LTBP3: variants seen among roughly 807,000 people sequenced by gnomAD.
LTBP3 encodes latent-transforming growth factor beta-binding protein 3.
In LTBP3, 97 loss-of-function variants were observed where a neutral mutation model predicts 159.7. The observed-to-expected ratio is 0.61, with a 90% CI of 0.52 to 0.72. The LOEUF (loss-of-function observed/expected upper bound fraction) is 0.72, where lower values mean the gene tolerates loss of function less well. LTBP3 is among the 30% of genes least tolerant of loss of function. LTBP3 has a pLI of 0.00. For synonymous variants in LTBP3, 824 were observed against 777.1 expected (o/e 1.06, Z -1.00); for missense variants, 1,584 against 1,864.3 (o/e 0.85, Z 2.77).
intron 19 of LTBP3, 128 bp from the exon 20 acceptor site, chr11:65,541,421 C>T (rs1413067311): frequency 2.8e-6 from 4 of 1,407,336 alleles, no homozygotes; most frequent in Non-Finnish European, 3.9e-6. Context: ...AGAGTTGGCT[C>T]TGTTCTCAAC....
rs1565104181 is a variant in LTBP3 at position 65,557,799 on chromosome 11, CCCCCGCCTGCG to C, written c.150_160del (p.Ala51ArgfsTer139). On this transcript the variant is annotated frameshift_variant, in exon 1 of 28. Transcript: ENST00000301873. LOFTEE classifies it high-confidence loss of function. The stretch of plus-strand genomic sequence containing the variant: ...GAAGCGCTCGCGGGCCAGCGCCCCG[CCCCCGCCTGCG>C]CCCCGCTCGCCGGCCGGCCCCCCCT... 3 of 1,561,618 alleles carry C rather than the reference CCCCCGCCTGCG, an allele frequency of 1.9e-6. No individual in the cohort carries two copies. The highest frequency in any genetic ancestry group is 2.6e-6 in the Non-Finnish European group (3 of 1,161,128).
chr11:65,545,215 C>A (rs1394502897), intron 16 of LTBP3: 3 of 188,468 alleles, frequency 1.6e-5, no homozygotes, highest in African/African-American at 2.3e-5. Flanking sequence ...GCCATCCCTC[C>A]CCCACCATCT....
rs201043285 is a variant in LTBP3, at chr11:65,553,432, C to T, written c.963G>A (p.Gln321=). 8.7e-6 allele frequency: 14 copies of T among 1,612,144 alleles called. No homozygotes were observed. The African/African-American group carries it at 1.3e-4, about 15-fold the overall frequency. Residue 321 remains glutamine, a synonymous_variant, in exon 4 of 28, where the codon CAG becomes CAA. Transcript: ENST00000301873. This position sits in a 1 kb window ranked among gnomAD's most constrained non-coding sequence, Gnocchi z 6.5. ...CTGAGCCCAAGCACTCACACTGCAG[C>T]TGGGGACACTTGTGGCACTTGCTCT... The part of the protein sequence containing the change: ...WGQSKCHKCP[Q]LQYTGVQKPG...
Position 65,543,563 on chromosome 11 carries a change from G to C in LTBP3, c.2354-14C>G, listed in dbSNP as rs1266591145. On this transcript the variant is annotated splice_polypyrimidine_tract_variant and intron_variant, in intron 16 of 27. Coordinates refer to ENST00000301873, the MANE Select transcript of LTBP3 (RefSeq NM_001130144.3). ...ACTCGTCCACATCTGCAGGGCATAG[G>C]GGGTGTCAGAGGACCAGGCTGGGTG... The C allele has an allele frequency of 6.2e-7, 1 of 1,613,926 alleles. No individual in the cohort carries two copies.
At position 65,547,546 on chromosome 11, in the gene LTBP3, G is replaced by T. The variant is rs895986825; in HGVS notation, c.2000C>A (p.Pro667His). ...SCVDLNECAK[P>H]HLCGDGGFCI... ...GAAGCCGCCGTCGCCGCACAGGTGG[G>T]GCTTGGCGCATTCGTTCAGGTCTGT... is the stretch of plus-strand genomic sequence containing the variant. The change falls in exon 14 of 28, where the codon CCC becomes CAC. Residue 667 changes from proline (P) to histidine (H), a missense_variant. Transcript: ENST00000301873. This position sits in a 1 kb window ranked among gnomAD's most constrained non-coding sequence, Gnocchi z 4.6. The T allele has an allele frequency of 1.9e-6, 3 of 1,613,894 alleles. No individual in the cohort carries two copies. The African/African-American group carries it at 4.0e-5, about 22-fold the overall frequency.
At chr11:65,541,385 C>T in intron 19 of LTBP3, 92 bp from the exon 20 acceptor site, 2 of 1,500,892 alleles carry the variant, frequency 1.3e-6, no homozygotes, top group Non-Finnish European at 1.8e-6. Context: ...CCCCCACATT[C>T]CCTGGCTCCC....
At chr11:65,551,355 C>T (rs1256100736) in intron 10 of LTBP3, 47 bp downstream of exon 10, 2 of 1,602,394 alleles carry the variant, frequency 1.2e-6, no homozygotes, top group South Asian at 2.2e-5. Context: ...CCCCGCCCAC[C>T]CAGTGATTTA....
intron 11 of LTBP3, among the ~76,000 whole-genome samples, chr11:65,549,567 C>CTTTTTTTTTTTTTTTTTTTTTTTTTT (rs748132211): frequency 1.5e-5 from 1 of 64,744 alleles, no homozygotes. Context: ...CCCAGCTAAT[C>CTTTTTTTTTTTTTTTTTTTTTTTTTT]TTTTTTTTTT....
chr11:65,553,416 A>G lies in LTBP3; in HGVS notation c.970+9T>C. 6.2e-7 allele frequency: 1 copy of G among 1,609,468 alleles called. No homozygotes were observed. The highest frequency in any genetic ancestry group is 1.1e-5 in the South Asian group (1 of 90,884). On this transcript the variant is annotated intron_variant, in intron 4 of 27. Transcript: ENST00000301873. This position sits in a 1 kb window ranked among gnomAD's most constrained non-coding sequence, Gnocchi z 6.5. ...AGATAGGGAACGCCCCCTGAGCCCA[A>G]GCACTCACACTGCAGCTGGGGACAC...
At position 65,557,032 on chromosome 11, in the gene LTBP3, T is replaced by C. The variant is rs530136301; in HGVS notation, c.331+597A>G. 1.8e-4 allele frequency among the ~76,000 whole-genome samples: 28 copies of C among 151,998 alleles called. 1 individual carries two copies. The East Asian group carries it at 3.9e-3, about 21-fold the overall frequency. On this transcript the variant is annotated intron_variant, in intron 1 of 27. Transcript: ENST00000301873. ...GATGTTAGGAGCTTATGGGGAGGCATTGGAAAAGGAGAGGCTGAGAACCCC... is the reference window on the plus strand; with the variant it reads ...GATGTTAGGAGCTTATGGGGAGGCACTGGAAAAGGAGAGGCTGAGAACCCC...
rs1280199281 is a variant in LTBP3, at chr11:65,542,960, GGATGGATGGATGGATA to G, written c.2596+129_2596+144del. The stretch of plus-strand genomic sequence containing the variant: ...TGGATGGATGGATGGATGGATGGAT[GGATGGATGGATGGATA>G]GATGGATGGATGGATGGATGAAGGA... On this transcript the variant is annotated intron_variant, in intron 18 of 27. Coordinates refer to ENST00000301873, the MANE Select transcript of LTBP3 (RefSeq NM_001130144.3). 0.01 allele frequency: 10,758 copies of G among 1,048,180 alleles called. 813 individuals are homozygous for G. In the African/African-American group the frequency reaches 0.15, roughly 15 times the overall value. 64.9% of individuals were successfully genotyped at this position (1,048,180 alleles called of 1,614,324 possible).
rs1041359845 is a variant in LTBP3 at position 65,541,394 on chromosome 11, C to T, written c.2726-101G>A. ...TCTTTCCCCCCACATTCCCTGGCTCCCCTTAGCCTCCTCCTGAGAGTTGGC... is the reference window on the plus strand; with the variant it reads ...TCTTTCCCCCCACATTCCCTGGCTCTCCTTAGCCTCCTCCTGAGAGTTGGC... On this transcript the variant is annotated intron_variant, in intron 19 of 27. Coordinates refer to ENST00000301873, the MANE Select transcript of LTBP3 (RefSeq NM_001130144.3). 3.4e-6 allele frequency: 5 copies of T among 1,476,094 alleles called. No individual in the cohort carries two copies. In the South Asian group the frequency reaches 4.6e-5, roughly 14 times the overall value. 91.4% of individuals were successfully genotyped at this position (1,476,094 alleles called of 1,614,324 possible).
Position 65,538,862 on chromosome 11 carries a change from TG to T in LTBP3, c.*217del. ...TTATCAGTTTCTAGGAAACACCCTC[TG>T]GGAGGAAGGCAGGCAGCGCCCGCCG... is the stretch of plus-strand genomic sequence containing the variant. On this transcript the variant is annotated 3_prime_UTR_variant, in exon 28 of 28. Transcript: ENST00000301873. 1.1e-6 allele frequency: 1 copy of T among 896,996 alleles called. No homozygotes were observed. Among genetic ancestry groups the T allele is most frequent in the Non-Finnish European group, 1.5e-6 (1 of 646,104 alleles). The allele number at this position is 896,996 out of a possible 1,614,324, so 55.6% of individuals were successfully genotyped here. A position where few individuals can be genotyped will look rare whatever the true frequency, so the allele number is the denominator to read the frequency against.
intron 25 of LTBP3, 27 bp from the exon 26 acceptor site, chr11:65,539,655 C>T: frequency 6.3e-7 from 1 of 1,593,062 alleles, no homozygotes; most frequent in Non-Finnish European, 8.5e-7. Context: ...TGGTCAGCGA[C>T]GTCCGGGTCC....
chr11:65,549,757 G>GGA lies in LTBP3; in HGVS notation c.1720+1368_1720+1369insTC, dbSNP rs1554974616. ...TTCACAGGAAAACTCCCCAGGCCGG[G>GGA]AAAAAAAAAAAAAAAAAAAAGAGCA... is the stretch of plus-strand genomic sequence containing the variant. On this transcript the variant is annotated intron_variant, in intron 11 of 27. Transcript: ENST00000301873. Among the ~76,000 whole-genome samples, 98 of 104,478 alleles carry GGA rather than the reference G, an allele frequency of 9.4e-4. 1 individual carries two copies. Among genetic ancestry groups the GGA allele is most frequent in the African/African-American group, 3.1e-3 (81 of 26,126 alleles). The allele number at this position is 104,478 out of a possible 152,430, so 68.5% of individuals were successfully genotyped here. A position where few individuals can be genotyped will look rare whatever the true frequency, so the allele number is the denominator to read the frequency against.
Position 65,541,740 on chromosome 11 carries a change from G to C in LTBP3, c.2597-12C>G. 1.9e-6 allele frequency: 3 copies of C among 1,613,900 alleles called. No individual in the cohort carries two copies. The highest frequency in any genetic ancestry group is 2.5e-6 in the Non-Finnish European group (3 of 1,179,938). On this transcript the variant is annotated splice_polypyrimidine_tract_variant and intron_variant, in intron 18 of 27. Coordinates refer to ENST00000301873, the MANE Select transcript of LTBP3 (RefSeq NM_001130144.3). ...GCACTCATCTATGTCTGCGGGGCAA[G>C]AGTAGCGCAGCTGGAAACCCAGCCC...
chr11:65,538,598 A>G lies in LTBP3; in HGVS notation c.*482T>C, dbSNP rs1268900363. On this transcript the variant is annotated 3_prime_UTR_variant, in exon 28 of 28. Transcript: ENST00000301873. ...GCGGTGGCCCTTCCCGGCTGCGGAG[A>G]GCCCGCCCCACAGATGTATTTATTG... The G allele has an allele frequency of 6.3e-7, 1 of 1,599,488 alleles. No individual in the cohort carries two copies. The highest frequency in any genetic ancestry group is 1.1e-5 in the South Asian group (1 of 89,834).
chr11:65,543,177 T>A lies in LTBP3; in HGVS notation c.2524A>T (p.Ile842Phe), dbSNP rs1856228882. ...CATCTGTAGGAGCCATTGGTATTGA[T>A]GCAGTCACCCCCAATGCAGGCTGCA... ...FPAACIGGDCINTNGSYRCLC... is the reference protein window; with the variant it reads ...FPAACIGGDCFNTNGSYRCLC... The change falls in exon 18 of 28, where the codon ATC (isoleucine) becomes TTC (phenylalanine). Residue 842 changes from isoleucine (I) to phenylalanine (F), a missense_variant. Coordinates refer to ENST00000301873, the MANE Select transcript of LTBP3 (RefSeq NM_001130144.3). 1 of 1,613,984 alleles carries A rather than the reference T, an allele frequency of 6.2e-7. No individual in the cohort carries two copies. Among genetic ancestry groups the A allele is most frequent in the South Asian group, 1.1e-5 (1 of 91,086 alleles).
chr11:65,542,989 G>C (rs1856217896), intron 18 of LTBP3, 116 bp downstream of exon 18: 7 of 1,317,416 alleles, frequency 5.3e-6, no homozygotes, highest in Non-Finnish European at 7.5e-6. Context: ...TGGATGGATG[G>C]ATGGATGAAG....
Sources: allele counts gnomAD v4.1 joint callset (sites outside exome capture counted in the v4.1 genomes callset), GRCh38; gene constraint gnomAD v4.1.1; non-coding constraint Gnocchi (gnomAD v3.1); transcripts MANE v1.5; gene names NCBI Gene and HGNC (gene_info 2026-07-23, HGNC 2026-07-21).